CTNNA2: variants seen among roughly 807,000 people sequenced by gnomAD.
CTNNA2 encodes catenin alpha-2.
A neutral mutation model predicts 101.0 loss-of-function variants in CTNNA2; 42 were observed. The observed-to-expected ratio is 0.42, with a 90% confidence interval of 0.32 to 0.54. The LOEUF is 0.54. CTNNA2 is among the 20% of genes least tolerant of loss of function. The pLI is 0.14. For synonymous variants in CTNNA2, 450 were observed against 456.4 expected (o/e 0.99, Z 0.18); for missense variants, 871 against 1,223.1 (o/e 0.71, Z 4.29).
rs145236309 is a variant in CTNNA2, at chr2:80,151,413, G to C, written c.1056+241616G>C. Reference sequence around the variant, plus strand: ...GTTCTAACACTAATGACAAGCTATTGCTTCTCTTTGAGGCTTGATTTCCAT... The same window carrying C: ...GTTCTAACACTAATGACAAGCTATTCCTTCTCTTTGAGGCTTGATTTCCAT... On this transcript the variant is annotated intron_variant, in intron 7 of 18. Coordinates refer to ENST00000402739, the MANE Select transcript of CTNNA2 (RefSeq NM_001282597.3). Among the ~76,000 whole-genome samples, 638 of 152,186 alleles carry C rather than the reference G, an allele frequency of 4.2e-3. 5 individuals carry two copies. The highest frequency in any genetic ancestry group is 0.014 in the African/African-American group (596 of 41,512).
intron 7 of CTNNA2, among the ~76,000 whole-genome samples, chr2:79,979,644 A>G (rs940784205): frequency 1.3e-5 from 2 of 152,126 alleles, no homozygotes; most frequent in African/African-American, 4.8e-5. Flanking sequence ...TACAGAAAGG[A>G]TTTGAAGTGG....
intron 7 of CTNNA2, among the ~76,000 whole-genome samples, chr2:80,142,609 T>A (rs1703083175): frequency 1.3e-5 from 2 of 152,204 alleles, no homozygotes; most frequent in Admixed American, 1.3e-4. Context: ...CTGAGATATT[T>A]TCCCAAAGTT....
intron 7 of CTNNA2, among the ~76,000 whole-genome samples, chr2:80,163,502 G>T (rs1704468859): frequency 6.6e-6 from 1 of 151,992 alleles, no homozygotes; most frequent in African/African-American, 2.4e-5. Context: ...TTAATTTGTT[G>T]ATGCTGGTTT....
At chr2:80,560,215 G>A (rs1056459470) in intron 12 of CTNNA2, among the ~76,000 whole-genome samples, 3 of 152,092 alleles carry the variant, frequency 2.0e-5, no homozygotes, top group Middle Eastern at 3.4e-3. Flanking sequence ...AGTTTTATAC[G>A]AATGGGAAGG....
chr2:80,261,696 CT>C (rs975541813), intron 7 of CTNNA2, among the ~76,000 whole-genome samples: 1 of 152,124 alleles, frequency 6.6e-6, no homozygotes, highest in Non-Finnish European at 1.5e-5. Context: ...GTAGCCATTG[CT>C]TTTCCTAAGG....
intron 15 of CTNNA2, among the ~76,000 whole-genome samples, chr2:80,590,044 A>G (rs182821443): frequency 2.0e-3 from 298 of 152,380 alleles, no homozygotes; most frequent in African/African-American, 6.7e-3. Context: ...CAGAGAAATT[A>G]AAGTTGTATA....
chr2:80,519,263 A>G (rs1165988830), intron 9 of CTNNA2, among the ~76,000 whole-genome samples: 1 of 152,204 alleles, frequency 6.6e-6, no homozygotes, highest in Non-Finnish European at 1.5e-5. Flanking sequence ...TCCTAGAAGC[A>G]TTTTTTGAAC....
intron 7 of CTNNA2, among the ~76,000 whole-genome samples, chr2:80,062,863 A>G (rs1697700513): frequency 6.6e-6 from 1 of 151,394 alleles, no homozygotes; most frequent in Admixed American, 6.6e-5. Flanking sequence ...CCGCCACCAC[A>G]CCTGGCTAAT....
intron 9 of CTNNA2, among the ~76,000 whole-genome samples, chr2:80,496,969 A>G (rs1573040644): frequency 6.6e-6 from 1 of 152,188 alleles, no homozygotes; most frequent in Non-Finnish European, 1.5e-5. Context: ...TTAAAGCAAT[A>G]TGTGACTCAG....
chr2:80,190,537 T>C (rs563979123), intron 7 of CTNNA2, among the ~76,000 whole-genome samples: 1 of 152,204 alleles, frequency 6.6e-6, no homozygotes, highest in South Asian at 2.1e-4. Flanking sequence ...TTATTATATA[T>C]AAGAAACAAA....
At chr2:79,905,822 T>A (rs1460503234) in intron 6 of CTNNA2, among the ~76,000 whole-genome samples, 2 of 152,204 alleles carry the variant, frequency 1.3e-5, no homozygotes, top group African/African-American at 4.8e-5. Context: ...CTTAGTTTTT[T>A]AATTACTTTC....
Position 80,170,432 on chromosome 2 carries a change from T to G in CTNNA2, c.1057-222779T>G, listed in dbSNP as rs375579202. Among the ~76,000 whole-genome samples the G allele has an allele frequency of 2.1e-4, 32 of 152,330 alleles. No homozygotes were observed. The South Asian group carries it at 6.2e-3, about 30-fold the overall frequency. On this transcript the variant is annotated intron_variant, in intron 7 of 18. Transcript: ENST00000402739. ...TTTTCTACAGTGAGACCAGTAGAAC[T>G]GATATGTGGATGGAGCCTGGTCATT...
intron 7 of CTNNA2, among the ~76,000 whole-genome samples, chr2:80,292,506 T>C (rs570621338): frequency 6.6e-6 from 1 of 152,152 alleles, no homozygotes; most frequent in Non-Finnish European, 1.5e-5. Flanking sequence ...TTTGCAGGGC[T>C]TAAATGAGAA....
At chr2:79,974,728 T>G (rs962873457) in intron 7 of CTNNA2, among the ~76,000 whole-genome samples, 7 of 152,308 alleles carry the variant, frequency 4.6e-5, no homozygotes, top group Non-Finnish European at 1.5e-5. Context: ...ATTGGGGAGC[T>G]TAAATTTTGG....
rs145005253 is a variant in CTNNA2 at position 79,485,422 on chromosome 2, T to C, written c.-134-19632T>C. On this transcript the variant is annotated intron_variant, in intron 4 of 21. Coordinates refer to the CTNNA2 transcript ENST00000466387. ...TTCTACCTAGTAAATTAATGTACAA[T>C]GTGTATGCACACTAGAAATTTATTT... 1.6e-3 allele frequency among the ~76,000 whole-genome samples: 240 copies of C among 152,354 alleles called. 2 individuals are homozygous for C. The highest frequency in any genetic ancestry group is 5.5e-3 in the African/African-American group (230 of 41,596).
At chr2:79,717,239 G>A (rs898405507) in intron 2 of CTNNA2, among the ~76,000 whole-genome samples, 9 of 152,078 alleles carry the variant, frequency 5.9e-5, no homozygotes, top group African/African-American at 1.7e-4. Flanking sequence ...ACATTCATTG[G>A]ATGGAAAGAA....
intron 3 of CTNNA2, among the ~76,000 whole-genome samples, chr2:79,325,705 C>G (rs1433929953): frequency 6.6e-6 from 1 of 152,214 alleles, no homozygotes. Flanking sequence ...ATCCAGGCAG[C>G]CTCCCCAGAA....
chr2:79,597,170 T>C (rs1677244591), intron 1 of CTNNA2, among the ~76,000 whole-genome samples: 1 of 152,140 alleles, frequency 6.6e-6, no homozygotes, highest in African/African-American at 2.4e-5. Context: ...TGTTTTCGCC[T>C]TAGAAATATT....
chr2:79,930,382 C>T (rs1687362427), intron 7 of CTNNA2, among the ~76,000 whole-genome samples: 1 of 152,060 alleles, frequency 6.6e-6, no homozygotes, highest in African/African-American at 2.4e-5. Context: ...TAGCCACCTC[C>T]TCCCTCACTT....
Sources: allele counts gnomAD v4.1 joint callset (sites outside exome capture counted in the v4.1 genomes callset), GRCh38; gene constraint gnomAD v4.1.1; transcripts MANE v1.5; gene names NCBI Gene and HGNC (gene_info 2026-07-23, HGNC 2026-07-21).